Variants in MAP2K5 observed in about 807,000 individuals in gnomAD.
MAP2K5 encodes mitogen-activated protein kinase kinase 5.
A neutral mutation model predicts 83.1 loss-of-function variants in MAP2K5; 49 were observed. The observed-to-expected ratio is 0.59, with a 90% confidence interval of 0.47 to 0.75. The LOEUF (loss-of-function observed/expected upper bound fraction) is 0.75. MAP2K5 is among the 30% of genes least tolerant of loss of function. The pLI, the probability that MAP2K5 is intolerant of heterozygous loss-of-function variation, is 0.00. For synonymous variants in MAP2K5, 202 were observed against 191.8 expected (o/e 1.05, Z -0.44); for missense variants, 457 against 557.5 (o/e 0.82, Z 1.82).
intron 6 of MAP2K5, among the ~76,000 whole-genome samples, chr15:67,588,394 C>A (rs550450185): frequency 6.6e-6 from 1 of 152,328 alleles, no homozygotes; most frequent in East Asian, 1.9e-4. Context: ...CTGATTACTA[C>A]CCATCCCCAG....
At chr15:67,706,462 A>G (rs1350138837) in intron 16 of MAP2K5, among the ~76,000 whole-genome samples, 7 of 151,736 alleles carry the variant, frequency 4.6e-5, no homozygotes, top group Non-Finnish European at 7.4e-5. Context: ...GGTAGAGAGC[A>G]GATAACCAGA....
intron 9 of MAP2K5, among the ~76,000 whole-genome samples, chr15:67,632,481 C>T (rs576303475): frequency 6.6e-6 from 1 of 152,302 alleles, no homozygotes; most frequent in South Asian, 2.1e-4. Flanking sequence ...GAGACTGAAA[C>T]TCAGAAAGCT....
intron 4 of MAP2K5, among the ~76,000 whole-genome samples, chr15:67,581,780 C>A (rs1470163712): frequency 6.6e-6 from 1 of 152,152 alleles, no homozygotes; most frequent in East Asian, 1.9e-4. Flanking sequence ...TCTCCAAAGG[C>A]AGCTGTCTTG....
rs1447264357 is a variant in MAP2K5, at chr15:67,736,598, C to G, written c.1074+8653C>G. Among the ~76,000 whole-genome samples, 1 of 152,162 alleles carries G rather than the reference C, an allele frequency of 6.6e-6. No individual in the cohort carries two copies. Among genetic ancestry groups the G allele is most frequent in the African/African-American group, 2.4e-5 (1 of 41,424 alleles). ...ACAAGAGCCTTCCTTTACAGACTTT[C>G]TTTTTTGAGTTATAATTTATCATTC... is the stretch of plus-strand genomic sequence containing the variant. On this transcript the variant is annotated intron_variant, in intron 17 of 21. Transcript: ENST00000178640. The surrounding 1 kb of genome is among the most constrained non-coding windows in gnomAD (Gnocchi z 4.3).
Position 67,646,261 on chromosome 15 carries a change from C to T in MAP2K5, c.616C>T (p.Gln206Ter). The change falls in exon 10 of 22, where the codon CAG (glutamine) becomes TAG (stop). Residue 206 changes from glutamine to a stop codon, truncating the protein, a stop_gained. Transcript: ENST00000178640. LOFTEE classifies it high-confidence loss of function. ...ACTACTAGATATTACACTGGAACTTCAGAAGCAAATTATGTCTGAATTGGA... is the reference window on the plus strand; with the variant it reads ...ACTACTAGATATTACACTGGAACTTTAGAAGCAAATTATGTCTGAATTGGA... ...VILLDITLELQKQIMSELEIL... is the reference protein window; with the variant it reads ...VILLDITLEL 1 of 1,438,204 alleles carries T rather than the reference C, an allele frequency of 7.0e-7. No homozygotes were observed. The highest frequency in any genetic ancestry group is 9.7e-7 in the Non-Finnish European group (1 of 1,033,946). 89.1% of individuals were successfully genotyped at this position (1,438,204 alleles called of 1,614,324 possible). A position where few individuals can be genotyped will look rare whatever the true frequency, so the allele number is the denominator to read the frequency against.
At chr15:67,597,585 A>G (rs2085555444) in intron 7 of MAP2K5, among the ~76,000 whole-genome samples, 1 of 152,228 alleles carries the variant, frequency 6.6e-6, no homozygotes, top group Non-Finnish European at 1.5e-5. Context: ...GCTTCTAAAT[A>G]GCACTTTCTT....
chr15:67,737,461 C>T (rs1306732475), intron 17 of MAP2K5, among the ~76,000 whole-genome samples: 1 of 152,100 alleles, frequency 6.6e-6, no homozygotes, highest in East Asian at 1.9e-4. Context: ...TGGATTAATG[C>T]GTGGGAGGTT....
At chr15:67,723,389 T>G (rs1214691696) in intron 16 of MAP2K5, among the ~76,000 whole-genome samples, 4 of 152,198 alleles carry the variant, frequency 2.6e-5, no homozygotes, top group Non-Finnish European at 5.9e-5. Flanking sequence ...CAAAGGTCAA[T>G]AAGATGACAC....
At chr15:67,731,273 G>A (rs1478176596) in intron 17 of MAP2K5, among the ~76,000 whole-genome samples, 2 of 152,116 alleles carry the variant, frequency 1.3e-5, no homozygotes, top group African/African-American at 4.8e-5. Flanking sequence ...CTTCCTGCTG[G>A]TGACACAGTG....
In MAP2K5 at chr15:67,543,579, C is replaced by T; in HGVS notation, c.135+109C>T. The T allele has an allele frequency of 7.6e-7, 1 of 1,314,000 alleles. No individual in the cohort carries two copies. Among genetic ancestry groups the T allele is most frequent in the Non-Finnish European group, 1.1e-6 (1 of 936,170 alleles). 81.4% of individuals were successfully genotyped at this position (1,314,000 alleles called of 1,614,324 possible). ...AGCCAGTGGCAATGGCTACTGCTGG[C>T]TTCCTGTGGAGGCAGTTTTATTGCT... On this transcript the variant is annotated intron_variant, in intron 1 of 21. Coordinates refer to ENST00000178640, the MANE Select transcript of MAP2K5 (RefSeq NM_145160.3). This position sits in a 1 kb window ranked among gnomAD's most constrained non-coding sequence, Gnocchi z 4.3.
At chr15:67,610,910 A>C in intron 8 of MAP2K5, among the ~76,000 whole-genome samples, 1 of 152,234 alleles carries the variant, frequency 6.6e-6, no homozygotes, top group East Asian at 1.9e-4. Context: ...AGAAAGAGAG[A>C]GTACAGTGGT....
chr15:67,592,700 G>A (rs1462375419), intron 6 of MAP2K5, among the ~76,000 whole-genome samples: 1 of 152,194 alleles, frequency 6.6e-6, no homozygotes, highest in Non-Finnish European at 1.5e-5. Context: ...CATCTTGACT[G>A]TAGGCTTCTT....
chr15:67,721,652 T>C (rs2088962118), intron 16 of MAP2K5, among the ~76,000 whole-genome samples: 1 of 152,202 alleles, frequency 6.6e-6, no homozygotes, highest in Admixed American at 6.5e-5. Flanking sequence ...CTTGAGCAAA[T>C]TAATTAAGCT....
chr15:67,624,080 C>G (rs546874462), intron 8 of MAP2K5, among the ~76,000 whole-genome samples: 3 of 151,376 alleles, frequency 2.0e-5, no homozygotes, highest in African/African-American at 7.3e-5. Context: ...TGGCTCACAC[C>G]TGTAATCCCA....
rs148512433 is a variant in MAP2K5 at position 67,726,657 on chromosome 15, G to C, written c.1045-1259G>C. On this transcript the variant is annotated intron_variant, in intron 16 of 21. Coordinates refer to ENST00000178640, the MANE Select transcript of MAP2K5 (RefSeq NM_145160.3). ...CACTGGATTAAGTTGCAAATCTTAGGGTCAGTTCCTAGGCTTCCACTTATT... is the reference window on the plus strand; with the variant it reads ...CACTGGATTAAGTTGCAAATCTTAGCGTCAGTTCCTAGGCTTCCACTTATT... Among the ~76,000 whole-genome samples, 202 of 152,256 alleles carry C rather than the reference G, an allele frequency of 1.3e-3. 2 individuals are homozygous for C. Among genetic ancestry groups the C allele is most frequent in the African/African-American group, 4.8e-3 (199 of 41,536 alleles).
intron 13 of MAP2K5, among the ~76,000 whole-genome samples, chr15:67,679,138 G>C (rs999777076): frequency 2.6e-5 from 4 of 152,162 alleles, no homozygotes; most frequent in African/African-American, 9.7e-5. Flanking sequence ...CCTGACCCCT[G>C]ATTGTGCTGG....
intron 9 of MAP2K5, among the ~76,000 whole-genome samples, chr15:67,635,127 A>G (rs965646368): frequency 4.0e-5 from 6 of 150,714 alleles, no homozygotes; most frequent in Admixed American, 4.0e-4. Context: ...CATCCATTTT[A>G]CATCATCATA....
At chr15:67,732,883 T>A (rs893241863) in intron 17 of MAP2K5, among the ~76,000 whole-genome samples, 1 of 152,110 alleles carries the variant, frequency 6.6e-6, no homozygotes. Flanking sequence ...GAATAACAAA[T>A]TGGATGCACC....
intron 11 of MAP2K5, among the ~76,000 whole-genome samples, chr15:67,657,327 C>T (rs966653193): frequency 6.6e-6 from 1 of 151,832 alleles, no homozygotes. Context: ...TCATTCAGGT[C>T]ATTCACTTCA....
Sources: allele counts gnomAD v4.1 joint callset (sites outside exome capture counted in the v4.1 genomes callset), GRCh38; gene constraint gnomAD v4.1.1; non-coding constraint Gnocchi (gnomAD v3.1); transcripts MANE v1.5; gene names NCBI Gene and HGNC (gene_info 2026-07-23, HGNC 2026-07-21).